The following ANKRD62 variants were observed in gnomAD, a reference collection of about 807,000 sequenced individuals.
ANKRD62 encodes ankyrin repeat domain-containing protein 62.
ANKRD62 carries 61 observed loss-of-function variants against 98.8 expected under a neutral mutation model. The observed-to-expected ratio is 0.62, with a 90% CI of 0.50 to 0.76. ANKRD62 has a LOEUF of 0.76. Ranked by LOEUF, ANKRD62 falls within the 30% of genes least tolerant of loss-of-function variation. ANKRD62 has a pLI of 0.00. For synonymous variants in ANKRD62, 341 were observed against 367.9 expected (o/e 0.93, Z 0.84); for missense variants, 933 against 1,082.9 (o/e 0.86, Z 1.94).
chr18:12,126,780 C>T (rs1909902153), intron 13 of ANKRD62, among the ~76,000 whole-genome samples: 1 of 152,150 alleles, frequency 6.6e-6, no homozygotes, highest in Non-Finnish European at 1.5e-5. Context: ...AATTAGATTA[C>T]TTTGACAGTT....
rs746087492 is a variant in ANKRD62 at position 12,104,372 on chromosome 18, A to C, written c.891+1144A>C. ...TTATTTAAAGACAAAGTTATCCTTA[A>C]AACATATACCCTGACAGAAAAGACA... On this transcript the variant is annotated intron_variant, in intron 7 of 13. Coordinates refer to ENST00000587848, the MANE Select transcript of ANKRD62 (RefSeq NM_001277333.2). 9.2e-5 allele frequency among the ~76,000 whole-genome samples: 14 copies of C among 152,138 alleles called. 1 individual carries two copies. Among genetic ancestry groups the C allele is most frequent in the Non-Finnish European group, 1.9e-4 (13 of 67,972 alleles).
intron 8 of ANKRD62, among the ~76,000 whole-genome samples, chr18:12,113,368 C>T (rs1909589961): frequency 6.6e-6 from 1 of 152,204 alleles, no homozygotes; most frequent in Non-Finnish European, 1.5e-5. Context: ...TGGCTCACGC[C>T]TGTAATCCCA....
At chr18:12,145,784 G>A in the ANKRD62 span, among the ~76,000 whole-genome samples, 3 of 151,454 alleles carry the variant, frequency 2.0e-5, no homozygotes, top group Non-Finnish European at 2.9e-5. Flanking sequence ...CGGCAGAAGT[G>A]TTCCTCTAGT....
At position 12,129,226 on chromosome 18, in the gene ANKRD62, T is replaced by C. The variant is rs1167354304; in HGVS notation, c.*1287T>C. 1 of 152,208 alleles carries C rather than the reference T, an allele frequency of 6.6e-6. No individual in the cohort carries two copies. Among genetic ancestry groups the C allele is most frequent in the Non-Finnish European group, 1.5e-5 (1 of 68,042 alleles). 9.4% of individuals were successfully genotyped at this position (152,208 alleles called of 1,614,324 possible). ...TCCCCATTTTACCAATTTTGTAAATTTGAGTATCTGATAAAATAGAAATTA... is the reference window on the plus strand; with the variant it reads ...TCCCCATTTTACCAATTTTGTAAATCTGAGTATCTGATAAAATAGAAATTA... On this transcript the variant is annotated 3_prime_UTR_variant, in exon 14 of 14. Coordinates refer to ENST00000587848, the MANE Select transcript of ANKRD62 (RefSeq NM_001277333.2).
chr18:12,107,287 C>T lies in ANKRD62; in HGVS notation c.892-8C>T, dbSNP rs1909434804. 2.0e-6 allele frequency: 3 copies of T among 1,477,414 alleles called. No individual in the cohort carries two copies. The highest frequency in any genetic ancestry group is 2.7e-6 in the Non-Finnish European group (3 of 1,121,746). The allele number at this position is 1,477,414 out of a possible 1,614,324, so 91.5% of individuals were successfully genotyped here. A position where few individuals can be genotyped will look rare whatever the true frequency, so the allele number is the denominator to read the frequency against. On this transcript the variant is annotated splice_polypyrimidine_tract_variant and splice_region_variant and intron_variant, in intron 7 of 13. Coordinates refer to ENST00000587848, the MANE Select transcript of ANKRD62 (RefSeq NM_001277333.2). ...ACAATTATTCTCAGTATGAAACTTT[C>T]ATTGAAGGTTGAAGAAAAAATGAAG...
intron 6 of ANKRD62, chr18:12,102,364 C>G: frequency 1.6e-6 from 1 of 618,576 alleles, no homozygotes; most frequent in Admixed American, 2.1e-5. Flanking sequence ...TAGGTCGGTT[C>G]TGAAGTAATG....
the ANKRD62 span, among the ~76,000 whole-genome samples, chr18:12,146,312 C>T: frequency 7.9e-5 from 12 of 152,196 alleles, no homozygotes; most frequent in African/African-American, 2.9e-4. Flanking sequence ...GAGGATCAGG[C>T]CGCCATCTTT....
the ANKRD62 span, among the ~76,000 whole-genome samples, chr18:12,154,485 A>G: frequency 6.6e-6 from 1 of 152,242 alleles, no homozygotes; most frequent in African/African-American, 2.4e-5. Context: ...GAACACATAC[A>G]TTGTTGGTGG....
At chr18:12,140,455 G>GT in the ANKRD62 span, among the ~76,000 whole-genome samples, 82 of 152,250 alleles carry the variant, frequency 5.4e-4, no homozygotes, top group East Asian at 0.016. Flanking sequence ...TTTCTGCTCT[G>GT]TTTTTTCCCC....
At chr18:12,121,648 TCA>T (rs1257155567) in intron 10 of ANKRD62, among the ~76,000 whole-genome samples, 1 of 152,188 alleles carries the variant, frequency 6.6e-6, no homozygotes, top group African/African-American at 2.4e-5. Flanking sequence ...GGAATCTATG[TCA>T]GATTTTCTCG....
intron 6 of ANKRD62, among the ~76,000 whole-genome samples, chr18:12,101,461 ATG>A (rs966343834): frequency 5.3e-5 from 8 of 152,206 alleles, no homozygotes; most frequent in Admixed American, 1.3e-4. Flanking sequence ...GAAATTCATA[ATG>A]TGAGATATCA....
At chr18:12,118,872 C>T (rs991740975) in intron 10 of ANKRD62, among the ~76,000 whole-genome samples, 1 of 151,880 alleles carries the variant, frequency 6.6e-6, no homozygotes, top group Non-Finnish European at 1.5e-5. Context: ...ATATCATTGT[C>T]TGGTTTTGGT....
the ANKRD62 span, among the ~76,000 whole-genome samples, chr18:12,168,067 T>C: frequency 2.6e-5 from 4 of 152,212 alleles, no homozygotes; most frequent in African/African-American, 9.6e-5. Flanking sequence ...GCAAAAATTT[T>C]CTCCCATTCT....
At chr18:12,166,641 A>G in the ANKRD62 span, among the ~76,000 whole-genome samples, 1 of 151,874 alleles carries the variant, frequency 6.6e-6, no homozygotes, top group Non-Finnish European at 1.5e-5. Context: ...TGCCTTATTT[A>G]GTTCATTTGG....
chr18:12,135,821 T>C, the ANKRD62 span, among the ~76,000 whole-genome samples: 1 of 152,160 alleles, frequency 6.6e-6, no homozygotes, highest in African/African-American at 2.4e-5. Flanking sequence ...TCATGTGTTT[T>C]TTGGCTGCAT....
At chr18:12,141,509 G>GT in the ANKRD62 span, among the ~76,000 whole-genome samples, 9 of 149,812 alleles carry the variant, frequency 6.0e-5, no homozygotes, top group Middle Eastern at 3.4e-3. Flanking sequence ...TGGTGGTGGT[G>GT]TTTTTTTTTC....
chr18:12,097,562 T>C, intron 4 of ANKRD62, 78 bp from the exon 5 acceptor site: 1 of 1,403,536 alleles, frequency 7.1e-7, no homozygotes, highest in Non-Finnish European at 9.4e-7. Flanking sequence ...GCATATTAAA[T>C]TGGTAAAGTT....
In ANKRD62 at chr18:12,125,813, A is replaced by G. The variant is rs757364024; in HGVS notation, c.1992A>G (p.Leu664=). Reference sequence around the variant, plus strand: ...ACCGTTGTAGACTGGCTGCTGCCCTATGTGATCATGATCAACGTCAGTCAT... The same window carrying G: ...ACCGTTGTAGACTGGCTGCTGCCCTGTGTGATCATGATCAACGTCAGTCAT... ...ESYRCRLAAA[L]CDHDQRQSSK... The change falls in exon 13 of 14, where the codon CTA becomes CTG. Residue 664 remains leucine (L), a synonymous_variant. Coordinates refer to ENST00000587848, the MANE Select transcript of ANKRD62 (RefSeq NM_001277333.2). 13 of 1,549,458 alleles carry G rather than the reference A, an allele frequency of 8.4e-6. No individual in the cohort carries two copies. Among genetic ancestry groups the G allele is most frequent in the African/African-American group, 2.7e-5 (2 of 73,092 alleles).
At chr18:12,114,882 C>G (rs1199942649) in intron 8 of ANKRD62, among the ~76,000 whole-genome samples, 3 of 151,444 alleles carry the variant, frequency 2.0e-5, no homozygotes, top group African/African-American at 7.3e-5. Context: ...TTTCATTTGT[C>G]CTGTAGTGCT....
Sources: gnomAD v4.1 joint callset for allele counts (sites outside exome capture counted in the v4.1 genomes callset) on GRCh38, gnomAD v4.1.1 for gene constraint, MANE v1.5 for transcripts, NCBI Gene and HGNC (gene_info 2026-07-23, HGNC 2026-07-21) for gene names.